The following FCRL6 variants were observed in gnomAD, a reference collection of about 807,000 sequenced individuals.
FCRL6 encodes the protein Fc receptor like 6.
FCRL6 carries 50 observed loss-of-function variants against 49.1 expected under a neutral mutation model. That is an observed-to-expected ratio of 1.02 (90% CI 0.81 to 1.29). The LOEUF (loss-of-function observed/expected upper bound fraction) is 1.29. FCRL6 is among the 50% of genes most tolerant of loss of function. The pLI is 0.00. For missense variants in FCRL6, 571 were observed against 518.5 expected (o/e 1.10, Z -0.98); for synonymous variants, 213 against 199.6 (o/e 1.07, Z -0.57).
rs2101748474 is a variant in FCRL6 at position 159,809,327 on chromosome 1, G to T, written c.605-75G>T. The T allele has an allele frequency of 2.0e-6, 3 of 1,527,790 alleles. No homozygotes were observed. In the South Asian group the frequency reaches 3.9e-5, roughly 20 times the overall value. The allele number at this position is 1,527,790 out of a possible 1,614,324, so 94.6% of individuals were successfully genotyped here. On this transcript the variant is annotated intron_variant, in intron 4 of 9. Transcript: ENST00000368106. Reference sequence around the variant, plus strand: ...TCCCCTGGGACTAAAGGAGTTGGGGGAAGGGTCCCCAGGAGAGGAGGGAGC... The same window carrying T: ...TCCCCTGGGACTAAAGGAGTTGGGGTAAGGGTCCCCAGGAGAGGAGGGAGC...
intron 7 of FCRL6, 132 bp downstream of exon 7, chr1:159,813,686 C>T: frequency 5.2e-6 from 4 of 770,522 alleles, no homozygotes; most frequent in Non-Finnish European, 8.6e-6. Flanking sequence ...AAACAAACAG[C>T]TTCTAGAAAG....
At chr1:159,813,578 G>T (rs371025995) in intron 7 of FCRL6, 24 bp downstream of exon 7, 2 of 1,609,456 alleles carry the variant, frequency 1.2e-6, no homozygotes, top group Non-Finnish European at 1.7e-6. Flanking sequence ...GCAGGATGGT[G>T]GTGTGCCCAT....
At chr1:159,803,745 A>G (rs185831044) in intron 1 of FCRL6, among the ~76,000 whole-genome samples, 150 of 152,344 alleles carry the variant, frequency 9.8e-4, no homozygotes, top group African/African-American at 3.4e-3. Flanking sequence ...GAAGGGAATC[A>G]GTGACCGGCT....
In FCRL6 at chr1:159,802,425, A is replaced by ATGCTGCTCTGGACGGCTG. The variant is rs1662394262; in HGVS notation, c.11_28dup (p.Trp4_Leu9dup). 23 of 1,613,920 alleles carry ATGCTGCTCTGGACGGCTG rather than the reference A, an allele frequency of 1.4e-5. No homozygotes were observed. The highest frequency in any genetic ancestry group is 1.9e-5 in the Non-Finnish European group (22 of 1,179,920). ...CCTCCGCTGTGCCAGAACAGGCCCC[A>ATGCTGCTCTGGACGGCTG]TGCTGCTCTGGACGGCTGTGCTGCT... is the stretch of plus-strand genomic sequence containing the variant. On this transcript the variant is annotated inframe_insertion, in exon 1 of 10. Transcript: ENST00000368106.
At chr1:159,813,759 C>T (rs1158257671) in intron 7 of FCRL6, among the ~76,000 whole-genome samples, 2 of 152,196 alleles carry the variant, frequency 1.3e-5, no homozygotes, top group Non-Finnish European at 2.9e-5. Flanking sequence ...GGAGCCAGGG[C>T]TGCAGGAGAC....
intron 1 of FCRL6, 109 bp from the exon 2 acceptor site, chr1:159,806,487 G>T: frequency 1.1e-6 from 1 of 936,454 alleles, no homozygotes; most frequent in Non-Finnish European, 1.8e-6. Context: ...TTTGGTGGCC[G>T]GGTGGTTGGT....
intron 6 of FCRL6, among the ~76,000 whole-genome samples, chr1:159,812,486 ACC>A (rs1443480682): frequency 6.6e-6 from 1 of 152,232 alleles, no homozygotes; most frequent in Non-Finnish European, 1.5e-5. Flanking sequence ...AGTAGCACTC[ACC>A]TGCATGTACA....
chr1:159,801,865 G>C (rs945532703), upstream of FCRL6, among the ~76,000 whole-genome samples: 7 of 152,074 alleles, frequency 4.6e-5, no homozygotes, highest in African/African-American at 1.7e-4. Context: ...ATCGATGTCT[G>C]ATTCCCTCCT....
In FCRL6 at chr1:159,815,998, TAAC is replaced by T. The variant is rs1170432185; in HGVS notation, c.*342_*344del. Reference sequence around the variant, plus strand: ...ATATATGAAATAGTCATGTGCCGCATAACAACATTTCAGTCAGTGATAGACTGC... The same window carrying T: ...ATATATGAAATAGTCATGTGCCGCATAACATTTCAGTCAGTGATAGACTGC... On this transcript the variant is annotated 3_prime_UTR_variant, in exon 10 of 10. Transcript: ENST00000368106. The T allele has an allele frequency of 7.5e-6, 2 of 267,674 alleles. No homozygotes were observed. The highest frequency in any genetic ancestry group is 1.5e-4 in the East Asian group (2 of 12,964). The allele number at this position is 267,674 out of a possible 1,614,324, so 16.6% of individuals were successfully genotyped here. A position where few individuals can be genotyped will look rare whatever the true frequency, so the allele number is the denominator to read the frequency against.
At chr1:159,806,091 C>G (rs1571092391) in intron 1 of FCRL6, among the ~76,000 whole-genome samples, 1 of 152,338 alleles carries the variant, frequency 6.6e-6, no homozygotes, top group Middle Eastern at 3.4e-3. Flanking sequence ...AGCAGAGTCC[C>G]TGCTACTATG....
chr1:159,810,291 G>A, intron 6 of FCRL6, 75 bp downstream of exon 6: 3 of 1,523,382 alleles, frequency 2.0e-6, no homozygotes, highest in Admixed American at 2.0e-5. Flanking sequence ...GAAAGCCAGA[G>A]TCTGACAGGA....
chr1:159,807,969 A>C (rs1662805536), intron 2 of FCRL6, among the ~76,000 whole-genome samples: 1 of 151,898 alleles, frequency 6.6e-6, no homozygotes. Context: ...GGGAAGAGGA[A>C]GGAGAGAAGA....
intron 1 of FCRL6, among the ~76,000 whole-genome samples, chr1:159,805,023 G>A (rs937145321): frequency 2.0e-5 from 3 of 152,154 alleles, no homozygotes; most frequent in Non-Finnish European, 4.4e-5. Context: ...GATATTGAAG[G>A]CTCTTGGAAC....
Position 159,815,671 on chromosome 1 carries a change from T to G in FCRL6, c.*10T>G, listed in dbSNP as rs778097828. The G allele has an allele frequency of 1.9e-6, 3 of 1,613,740 alleles. No individual in the cohort carries two copies. The highest frequency in any genetic ancestry group is 2.5e-6 in the Non-Finnish European group (3 of 1,179,946). ...GGAGGTTCTCTGCTAGTGATGGTGTTCTCCTATCAACACACGCCCACCCCC... is the reference window on the plus strand; with the variant it reads ...GGAGGTTCTCTGCTAGTGATGGTGTGCTCCTATCAACACACGCCCACCCCC... On this transcript the variant is annotated 3_prime_UTR_variant, in exon 10 of 10. Coordinates refer to ENST00000368106, the MANE Select transcript of FCRL6 (RefSeq NM_001004310.3).
upstream of FCRL6, chr1:159,800,549 A>G (rs1333064744): frequency 6.5e-7 from 1 of 1,534,900 alleles, no homozygotes; most frequent in East Asian, 2.5e-5. Context: ...GAAGTTGAAG[A>G]CAACTCAGGA....
At chr1:159,812,096 A>G (rs550546491) in intron 6 of FCRL6, among the ~76,000 whole-genome samples, 19 of 152,178 alleles carry the variant, frequency 1.2e-4, no homozygotes, top group Admixed American at 8.5e-4. Flanking sequence ...CACCACACCC[A>G]CTGCCAACCT....
intron 1 of FCRL6, among the ~76,000 whole-genome samples, chr1:159,804,872 C>T (rs752646084): frequency 2.1e-4 from 32 of 152,304 alleles, no homozygotes; most frequent in South Asian, 6.2e-4. Context: ...AGGTCTCTGT[C>T]ACTCTGAGGT....
chr1:159,808,833 G>A, intron 3 of FCRL6, 128 bp from the exon 4 acceptor site: 1 of 907,242 alleles, frequency 1.1e-6, no homozygotes, highest in African/African-American at 1.7e-5. Flanking sequence ...ACGGGTCCTA[G>A]GGATGAAACT....
In FCRL6 at chr1:159,815,635, A is replaced by G. The variant is rs4443889; in HGVS notation, c.1279A>G (p.Ser427Gly). 323,175 of 1,610,584 alleles carry G rather than the reference A, an allele frequency of 0.2. 35,772 individuals are homozygous for G. The highest frequency in any genetic ancestry group is 0.44 in the African/African-American group (32,925 of 74,900). Residue 427 changes from serine (S) to glycine (G), a missense_variant, in exon 10 of 10, where the codon AGC (serine) becomes GGC (glycine). Ser to Gly is a moderately conservative substitution (Grantham distance 56). Transcript: ENST00000368106. Reference protein sequence around the residue: ...MRSRTLQEPLSDCEEVLC With the variant: ...MRSRTLQEPLGDCEEVLC ...AAGCAGGACTCTCCAAGAACCCCTT[A>G]GCGACTGTGAGGAGGTTCTCTGCTA...
Sources: allele counts gnomAD v4.1 joint callset (sites outside exome capture counted in the v4.1 genomes callset), GRCh38; gene constraint gnomAD v4.1.1; transcripts MANE v1.5; gene names NCBI Gene and HGNC (gene_info 2026-07-23, HGNC 2026-07-21).